The following APOBEC3D variants were observed in gnomAD, a reference collection of about 807,000 sequenced individuals.
The protein encoded by APOBEC3D is apolipoprotein B mRNA editing enzyme catalytic subunit 3D, also known as DNA dC->dU-editing enzyme APOBEC-3D.
Under a neutral mutation model 45.6 loss-of-function variants are expected in APOBEC3D, and 37 were observed. The observed-to-expected ratio is 0.81, with a 90% CI of 0.62 to 1.07. APOBEC3D has a LOEUF of 1.07. Ranked by LOEUF, APOBEC3D falls within the 50% of genes least tolerant of loss-of-function variation. The pLI, the probability that APOBEC3D is intolerant of heterozygous loss-of-function variation, is 0.00. For synonymous variants in APOBEC3D, 175 were observed against 180.7 expected (o/e 0.97, Z 0.25); for missense variants, 496 against 495.3 (o/e 1.00, Z -0.01).
rs750101112 is a variant in APOBEC3D at position 39,022,951 on chromosome 22, T to C, written c.147T>C (p.Leu49=). Residue 49 remains leucine, a synonymous_variant, in exon 2 of 7, where the codon CTT becomes CTC. Coordinates refer to ENST00000216099, the MANE Select transcript of APOBEC3D (RefSeq NM_152426.4). Reference sequence around the variant, plus strand: ...TAAAGAGGGGCCGCTCAAATCTCCTTTGGGACACAGGGGTCTTTCGAGGCC... The same window carrying C: ...TAAAGAGGGGCCGCTCAAATCTCCTCTGGGACACAGGGGTCTTTCGAGGCC... The part of the protein sequence containing the change: ...VKIKRGRSNL[L]WDTGVFRGPV... 3.1e-6 allele frequency: 5 copies of C among 1,613,728 alleles called. No homozygotes were observed. Among genetic ancestry groups the C allele is most frequent in the Admixed American group, 1.7e-5 (1 of 59,970 alleles).
rs943557937 is a variant in APOBEC3D at position 39,023,070 on chromosome 22, C to G, written c.210+56C>G. On this transcript the variant is annotated intron_variant, in intron 2 of 6. Transcript: ENST00000216099. ...AGTAAAATGTCTGGCGGCGGGCTCT[C>G]AACTGTGTATTTTTTCCCCACATTT... 5 of 1,353,450 alleles carry G rather than the reference C, an allele frequency of 3.7e-6. No homozygotes were observed. The African/African-American group carries it at 6.2e-5, about 17-fold the overall frequency. 83.8% of individuals were successfully genotyped at this position (1,353,450 alleles called of 1,614,324 possible). A position where few individuals can be genotyped will look rare whatever the true frequency, so the allele number is the denominator to read the frequency against.
At chr22:39,028,431 C>T (rs986833169) in intron 4 of APOBEC3D, among the ~76,000 whole-genome samples, 7 of 152,252 alleles carry the variant, frequency 4.6e-5, no homozygotes, top group Non-Finnish European at 1.0e-4. Flanking sequence ...GCCTCTGGCA[C>T]CTCCTCTGTA....
rs750668297 is a variant in APOBEC3D at position 39,029,460 on chromosome 22, A to T, written c.703A>T (p.Met235Leu). Residue 235 changes from methionine to leucine, a missense_variant, in exon 5 of 7, where the codon ATG becomes TTG. Coordinates refer to ENST00000216099, the MANE Select transcript of APOBEC3D (RefSeq NM_152426.4). ...GAACGAAAGCTGGCTGTGCTTCACC[A>T]TGGAAGTTACAAAGCACCACTCAGC... ...GRNESWLCFT[M>L]EVTKHHSAVF... 2.2e-5 allele frequency: 36 copies of T among 1,614,148 alleles called. No homozygotes were observed. The South Asian group carries it at 4.0e-4, about 18-fold the overall frequency.
chr22:39,030,995 GTC>G (rs1257792385), intron 5 of APOBEC3D, among the ~76,000 whole-genome samples: 2 of 152,118 alleles, frequency 1.3e-5, no homozygotes, highest in African/African-American at 4.8e-5. Flanking sequence ...GTGAAACCCT[GTC>G]TCTACTAAAA....
intron 3 of APOBEC3D, 43 bp from the exon 4 acceptor site, chr22:39,025,514 G>A (rs750919260): frequency 2.8e-5 from 45 of 1,613,986 alleles, no homozygotes; most frequent in Non-Finnish European, 3.6e-5. Flanking sequence ...GGCAGGCCCA[G>A]GGTCAGGGGA....
At chr22:39,031,329 A>G (rs1926193542) in intron 5 of APOBEC3D, among the ~76,000 whole-genome samples, 2 of 152,180 alleles carry the variant, frequency 1.3e-5, no homozygotes, top group African/African-American at 4.8e-5. Context: ...GAAATTTGGT[A>G]GGCTGAGGCA....
intron 5 of APOBEC3D, among the ~76,000 whole-genome samples, 182 bp from the exon 6 acceptor site, chr22:39,031,512 G>A (rs2146328035): frequency 6.6e-6 from 1 of 152,296 alleles, no homozygotes; most frequent in Non-Finnish European, 1.5e-5. Flanking sequence ...CAAGGCTGCA[G>A]TCAGCCCAGA....
intron 4 of APOBEC3D, among the ~76,000 whole-genome samples, chr22:39,027,953 C>T (rs1172623208): frequency 1.2e-4 from 19 of 152,222 alleles, no homozygotes. Flanking sequence ...TCCCGCCATT[C>T]CTGAGCTCAG....
At chr22:39,022,488 C>G (rs1209864519) in intron 1 of APOBEC3D, among the ~76,000 whole-genome samples, 1 of 152,186 alleles carries the variant, frequency 6.6e-6, no homozygotes, top group Non-Finnish European at 1.5e-5. Context: ...AGGTTAAAAG[C>G]TATCTTTTAA....
chr22:39,032,002 G>T (rs1322367435), intron 6 of APOBEC3D, 29 bp downstream of exon 6: 6 of 1,612,526 alleles, frequency 3.7e-6, no homozygotes, highest in Non-Finnish European at 5.1e-6. Flanking sequence ...AGGAGAGTGG[G>T]TGCGGGAGGG....
intron 4 of APOBEC3D, among the ~76,000 whole-genome samples, chr22:39,028,545 T>C (rs2146324454): frequency 1.3e-5 from 2 of 152,360 alleles, no homozygotes; most frequent in South Asian, 4.1e-4. Context: ...GGCTCATGCC[T>C]GTCATTCCAG....
intron 5 of APOBEC3D, among the ~76,000 whole-genome samples, chr22:39,030,542 C>T (rs1260530099): frequency 6.6e-6 from 1 of 152,112 alleles, no homozygotes; most frequent in Non-Finnish European, 1.5e-5. Flanking sequence ...TATAAAATGC[C>T]TCATGAGAGA....
intron 4 of APOBEC3D, 101 bp from the exon 5 acceptor site, chr22:39,029,262 G>A: frequency 7.5e-7 from 1 of 1,333,284 alleles, no homozygotes; most frequent in Non-Finnish European, 1.1e-6. Context: ...GCTGTGGAGG[G>A]ATGGGAGAGG....
chr22:39,032,595 T>C lies in APOBEC3D; in HGVS notation c.*279T>C, dbSNP rs1926337274. The C allele has an allele frequency of 1.0e-6, 1 of 959,122 alleles. No homozygotes were observed. The allele number at this position is 959,122 out of a possible 1,614,324, so 59.4% of individuals were successfully genotyped here. The stretch of plus-strand genomic sequence containing the variant: ...CTCCCCAGCATAACCAAATCTTTTT[T>C]TTTTTTTTTTTTTTTTGAGACGGAG... On this transcript the variant is annotated 3_prime_UTR_variant, in exon 7 of 7. Coordinates refer to ENST00000216099, the MANE Select transcript of APOBEC3D (RefSeq NM_152426.4).
In APOBEC3D at chr22:39,025,290, G is replaced by A. The variant is rs553533578; in HGVS notation, c.431G>A (p.Arg144Gln). 1.4e-4 allele frequency: 221 copies of A among 1,613,986 alleles called. No individual in the cohort carries two copies. The highest frequency in any genetic ancestry group is 1.8e-4 in the Non-Finnish European group (210 of 1,180,020). The change falls in exon 3 of 7, where the codon CGG (arginine) becomes CAG (glutamine). Residue 144 changes from arginine to glutamine, a missense_variant. Arg to Gln is a conservative substitution (Grantham distance 43). Transcript: ENST00000216099. ...TACTACTACCGGGATAGAGATTGGC[G>A]GTGGGTGCTCCTCAGGCTGCATAAG... Reference protein sequence around the residue: ...RLYYYRDRDWRWVLLRLHKAG... With the variant: ...RLYYYRDRDWQWVLLRLHKAG...
chr22:39,031,824 G>T lies in APOBEC3D; in HGVS notation c.893G>T (p.Gly298Val). 7.4e-6 allele frequency: 12 copies of T among 1,614,164 alleles called. No individual in the cohort carries two copies. The Middle Eastern group carries it at 5.0e-4, about 67-fold the overall frequency. The change falls in exon 6 of 7, where the codon GGG becomes GTG. Residue 298 changes from glycine to valine, a missense_variant. By Grantham distance (109) the Gly-to-Val change is moderately radical (BLOSUM62 -3). Transcript: ENST00000216099. ...TGGAGCCCTTGCCCAGAGTGTGCAG[G>T]GGAGGTGGCCGAGTTCCTGGCCAGG... ...TSWSPCPECA[G>V]EVAEFLARHS...
chr22:39,028,389 T>G (rs1185443251), intron 4 of APOBEC3D, among the ~76,000 whole-genome samples: 1 of 152,250 alleles, frequency 6.6e-6, no homozygotes, highest in African/African-American at 2.4e-5. Flanking sequence ...GCCCCAGCTC[T>G]GTGGTGTGGG....
rs1925591563 is a variant in APOBEC3D, at chr22:39,025,756, G to A, written c.605+85G>A. The A allele has an allele frequency of 4.4e-6, 7 of 1,601,548 alleles. No individual in the cohort carries two copies. In the East Asian group the frequency reaches 6.7e-5, roughly 15 times the overall value. ...AGGACTCCCCTGGCTGGGCCCTCCT[G>A]CCCTCCGTCCTGCCCCCCTGCCTGC... On this transcript the variant is annotated intron_variant, in intron 4 of 6. Coordinates refer to ENST00000216099, the MANE Select transcript of APOBEC3D (RefSeq NM_152426.4).
Position 39,031,910 on chromosome 22 carries a change from T to G in APOBEC3D, c.979T>G (p.Tyr327Asp). 2 of 1,614,152 alleles carry G rather than the reference T, an allele frequency of 1.2e-6. No individual in the cohort carries two copies. Among genetic ancestry groups the G allele is most frequent in the South Asian group, 2.2e-5 (2 of 91,072 alleles). ...ARLCYFWDTD[Y>D]QEGLCSLSQE... The stretch of plus-strand genomic sequence containing the variant: ...CCTCTGCTACTTCTGGGATACAGAT[T>G]ACCAGGAGGGGCTCTGCAGCCTGAG... The change falls in exon 6 of 7, where the codon TAC (tyrosine) becomes GAC (aspartate). Residue 327 changes from tyrosine to aspartate, a missense_variant. Tyr to Asp is a radical substitution (Grantham distance 160). Coordinates refer to ENST00000216099, the MANE Select transcript of APOBEC3D (RefSeq NM_152426.4).
Sources: allele counts gnomAD v4.1 joint callset (sites outside exome capture counted in the v4.1 genomes callset), GRCh38; gene constraint gnomAD v4.1.1; transcripts MANE v1.5; gene names NCBI Gene and HGNC (gene_info 2026-07-23, HGNC 2026-07-21).